Variants in TEKT3 observed in about 807,000 individuals in gnomAD.
The protein encoded by TEKT3 is tektin 3.
A neutral mutation model predicts 49.8 loss-of-function variants in TEKT3; 49 were observed. That is an observed-to-expected ratio of 0.98 (90% CI 0.78 to 1.25). The LOEUF (loss-of-function observed/expected upper bound fraction) is 1.25. TEKT3 is among the 50% of genes most tolerant of loss of function. The probability of loss-of-function intolerance (pLI) is 0.00; values close to 1 mark genes in which losing one functional copy is unlikely to be tolerated. For missense variants in TEKT3, 595 were observed against 629.5 expected, an observed-to-expected ratio of 0.95 and a Z score of 0.59; for synonymous variants, 225 against 237.2, an observed-to-expected ratio of 0.95 and a Z score of 0.47.
intron 4 of TEKT3, among the ~76,000 whole-genome samples, chr17:15,325,313 T>C (rs1911445492): frequency 6.6e-6 from 1 of 152,202 alleles, no homozygotes; most frequent in Non-Finnish European, 1.5e-5. Flanking sequence ...AGGAATTGTG[T>C]TGAGTCTATG....
chr17:15,325,223 A>G (rs1911441180), intron 4 of TEKT3, among the ~76,000 whole-genome samples: 2 of 152,156 alleles, frequency 1.3e-5, no homozygotes, highest in African/African-American at 4.8e-5. Flanking sequence ...TATTTTGGCT[A>G]TTCACTATCC....
chr17:15,328,030 C>T lies in TEKT3; in HGVS notation c.625G>A (p.Asp209Asn). The T allele has an allele frequency of 3.1e-6, 5 of 1,614,040 alleles. No individual in the cohort carries two copies. The highest frequency in any genetic ancestry group is 2.7e-5 in the African/African-American group (2 of 75,044). The change falls in exon 4 of 9, where the codon GAC becomes AAC. Residue 209 changes from aspartate (D) to asparagine (N), a missense_variant. By Grantham distance (23) the Asp-to-Asn change is conservative (BLOSUM62 1). Transcript: ENST00000395930. ...GCTTCAACTTCATCGTGAACTAGGT[C>T]GATTCCCATTCTCTTTTCTCGATGA... The part of the protein sequence containing the change: ...LFHREKRMGI[D>N]LVHDEVEAQL...
At chr17:15,321,565 A>G (rs1248904246) in intron 4 of TEKT3, among the ~76,000 whole-genome samples, 1 of 152,170 alleles carries the variant, frequency 6.6e-6, no homozygotes, top group African/African-American at 2.4e-5. Context: ...ATACACACAG[A>G]AAGCAGAAGC....
chr17:15,327,155 T>TGA (rs1567580966), intron 4 of TEKT3, among the ~76,000 whole-genome samples: 1 of 137,660 alleles, frequency 7.3e-6, no homozygotes, highest in Middle Eastern at 3.2e-3. Context: ...GATGATTGAT[T>TGA]GAAAAAAAAA....
chr17:15,334,920 T>C (rs1911921016), intron 2 of TEKT3, among the ~76,000 whole-genome samples: 1 of 152,216 alleles, frequency 6.6e-6, no homozygotes, highest in South Asian at 2.1e-4. Context: ...TGAAAACTGA[T>C]TTCTACCTCC....
intron 4 of TEKT3, among the ~76,000 whole-genome samples, chr17:15,325,155 T>C (rs1911438205): frequency 6.6e-6 from 1 of 152,226 alleles, no homozygotes; most frequent in South Asian, 2.1e-4. Flanking sequence ...ATTGCAGCTT[T>C]ATAGTAAGTG....
upstream of TEKT3, among the ~76,000 whole-genome samples, chr17:15,342,838 A>G (rs1355724860): frequency 6.6e-6 from 1 of 152,190 alleles, no homozygotes; most frequent in Non-Finnish European, 1.5e-5. Flanking sequence ...CCCATACCCG[A>G]CACCAGGGCA....
chr17:15,327,879 C>T (rs1321506192), intron 4 of TEKT3, 113 bp downstream of exon 4: 48 of 859,284 alleles, frequency 5.6e-5, no homozygotes, highest in South Asian at 6.2e-5. Flanking sequence ...GCATCTGATA[C>T]GATAATGCTT....
intron 2 of TEKT3, among the ~76,000 whole-genome samples, chr17:15,332,931 AC>A (rs1403692030): frequency 2.6e-5 from 4 of 152,042 alleles, no homozygotes; most frequent in African/African-American, 9.7e-5. Flanking sequence ...TATTTTATAT[AC>A]CTCTACCTAT....
intron 4 of TEKT3, among the ~76,000 whole-genome samples, chr17:15,325,031 C>T (rs1292619496): frequency 6.6e-6 from 1 of 152,170 alleles, no homozygotes; most frequent in African/African-American, 2.4e-5. Flanking sequence ...GACACTCTTC[C>T]CATTGCATTG....
intron 7 of TEKT3, among the ~76,000 whole-genome samples, chr17:15,311,866 A>G (rs1910784450): frequency 6.6e-6 from 1 of 152,198 alleles, no homozygotes; most frequent in African/African-American, 2.4e-5. Context: ...AGTTTCCTGT[A>G]TTTGGTTTTG....
At chr17:15,311,177 G>T (rs1910757280) in intron 7 of TEKT3, among the ~76,000 whole-genome samples, 1 of 152,174 alleles carries the variant, frequency 6.6e-6, no homozygotes, top group African/African-American at 2.4e-5. Flanking sequence ...GCTCTTCACA[G>T]CATGGAACAC....
chr17:15,303,913 C>A lies in TEKT3; in HGVS notation c.*23G>T, dbSNP rs775060153. ...TGGCTCAGCCTTAACTTAGGGGTAT[C>A]AAAACCACACCCGGTGGGGTCCCTA... On this transcript the variant is annotated 3_prime_UTR_variant, in exon 9 of 9. Transcript: ENST00000395930. 3 of 1,612,230 alleles carry A rather than the reference C, an allele frequency of 1.9e-6. No homozygotes were observed. The highest frequency in any genetic ancestry group is 2.2e-5 in the South Asian group (2 of 90,950).
chr17:15,306,013 T>A (rs2150730378), intron 8 of TEKT3, among the ~76,000 whole-genome samples: 1 of 151,688 alleles, frequency 6.6e-6, no homozygotes, highest in Middle Eastern at 3.4e-3. Flanking sequence ...TTCTTTCTTC[T>A]TTTTTTTGGA....
In TEKT3 at chr17:15,314,224, G is replaced by A; in HGVS notation, c.741C>T (p.Asn247=). ...TTTCCAGCTCATGCTGGGACGCTCT[G>A]TTGGCTCTGCAATACAGAGTCGGGA... ...LDKAIAQLAA[N]RASQHELEKD... The change falls in exon 6 of 9, where the codon AAC becomes AAT. Residue 247 remains asparagine (N), a synonymous_variant. Coordinates refer to ENST00000395930, the MANE Select transcript of TEKT3 (RefSeq NM_031898.3). 1 of 1,614,206 alleles carries A rather than the reference G, an allele frequency of 6.2e-7. No individual in the cohort carries two copies.
intron 4 of TEKT3, among the ~76,000 whole-genome samples, chr17:15,325,825 G>C (rs920516519): frequency 6.6e-6 from 1 of 152,184 alleles, no homozygotes; most frequent in Non-Finnish European, 1.5e-5. Context: ...ATCCAGTTAG[G>C]ATGACAAAGT....
intron 1 of TEKT3, among the ~76,000 whole-genome samples, chr17:15,340,862 CTG>C (rs1232100022): frequency 5.3e-5 from 8 of 152,308 alleles, no homozygotes; most frequent in Non-Finnish European, 1.0e-4. Context: ...GTTAGTAAAA[CTG>C]TATATTTTTT....
intron 7 of TEKT3, among the ~76,000 whole-genome samples, chr17:15,311,921 T>C (rs1433682534): frequency 2.0e-5 from 3 of 152,246 alleles, no homozygotes. Flanking sequence ...AAAACATTTC[T>C]ACCATATGTT....
At chr17:15,340,596 T>C (rs753293533) in intron 1 of TEKT3, 2 of 152,138 alleles carry the variant, frequency 1.3e-5, no homozygotes, top group Non-Finnish European at 2.9e-5. Context: ...GTAGTAAAAG[T>C]ATAAAAATAT....
Sources: gnomAD v4.1 joint callset for allele counts (sites outside exome capture counted in the v4.1 genomes callset) on GRCh38, gnomAD v4.1.1 for gene constraint, MANE v1.5 for transcripts, NCBI Gene and HGNC (gene_info 2026-07-23, HGNC 2026-07-21) for gene names.